FBXL13: variants seen among roughly 807,000 people sequenced by gnomAD.
The protein encoded by FBXL13 is F-box and leucine rich repeat protein 13.
A neutral mutation model predicts 83.6 loss-of-function variants in FBXL13; 67 were observed. The ratio of observed to expected loss-of-function variants is 0.80; its 90% CI spans 0.66 to 0.98. The LOEUF is 0.98. FBXL13 is among the 50% of genes least tolerant of loss of function. The pLI is 0.00. For missense variants in FBXL13, 822 were observed against 866.5 expected (o/e 0.95, Z 0.64); for synonymous variants, 272 against 299.5 (o/e 0.91, Z 0.95).
At chr7:102,946,233 A>G (rs1822473117) in intron 8 of FBXL13, among the ~76,000 whole-genome samples, 1 of 152,176 alleles carries the variant, frequency 6.6e-6, no homozygotes, top group Non-Finnish European at 1.5e-5. Flanking sequence ...AGCTTCACAT[A>G]TGCTACTTCT....
chr7:102,963,831 T>A (rs185907749), intron 7 of FBXL13, among the ~76,000 whole-genome samples, 166 bp from the exon 9 acceptor site: 58 of 152,234 alleles, frequency 3.8e-4, no homozygotes, highest in African/African-American at 1.3e-3. Context: ...AGAGAGATAT[T>A]TGCAAACTAT....
chr7:102,898,532 C>T (rs1217351139), intron 11 of FBXL13, among the ~76,000 whole-genome samples: 4 of 152,058 alleles, frequency 2.6e-5, no homozygotes, highest in African/African-American at 4.8e-5. Flanking sequence ...GGGTCTCAAT[C>T]CTCCCACCTC....
At chr7:102,859,798 GC>G (rs966825412) in intron 16 of FBXL13, among the ~76,000 whole-genome samples, 60 of 152,268 alleles carry the variant, frequency 3.9e-4, no homozygotes, top group Middle Eastern at 3.4e-3. Flanking sequence ...GAGAGGTTTT[GC>G]TTTTATTTTC....
At position 102,923,096 on chromosome 7, in the gene FBXL13, A is replaced by G. The variant is rs115899599; in HGVS notation, c.878+3178T>C. 3.7e-3 allele frequency among the ~76,000 whole-genome samples: 569 copies of G among 152,336 alleles called. 5 individuals are homozygous for G. The highest frequency in any genetic ancestry group is 0.014 in the African/African-American group (562 of 41,580). Reference sequence around the variant, plus strand: ...ACAAGGTGATATATGTCAAAGAGGTATGTCCAAAATCTGCTTGTCAATGAT... The same window carrying G: ...ACAAGGTGATATATGTCAAAGAGGTGTGTCCAAAATCTGCTTGTCAATGAT... On this transcript the variant is annotated intron_variant, in intron 10 of 19. Transcript: ENST00000313221.
chr7:102,970,164 T>C (rs1473344124), intron 6 of FBXL13, among the ~76,000 whole-genome samples: 1 of 151,410 alleles, frequency 6.6e-6, no homozygotes, highest in African/African-American at 2.4e-5. Context: ...GACGGGAGAA[T>C]TGTTTGAGCC....
intron 1 of FBXL13, among the ~76,000 whole-genome samples, chr7:103,066,130 C>T (rs1192551471): frequency 6.6e-6 from 1 of 152,192 alleles, no homozygotes; most frequent in Non-Finnish European, 1.5e-5. Context: ...TTCTCCTCCT[C>T]AATATTTCTG....
At chr7:103,038,619 A>G (rs1361465484) in intron 2 of FBXL13, among the ~76,000 whole-genome samples, 1 of 152,176 alleles carries the variant, frequency 6.6e-6, no homozygotes, top group Admixed American at 6.5e-5. Flanking sequence ...TTCCAGAGGA[A>G]GGATCAGGCA....
At chr7:102,884,927 G>A (rs992797096) in intron 11 of FBXL13, among the ~76,000 whole-genome samples, 2 of 152,100 alleles carry the variant, frequency 1.3e-5, no homozygotes, top group African/African-American at 4.8e-5. Context: ...TTCACTTAGT[G>A]TAATGTTTTT....
At chr7:103,004,249 G>T (rs1790732408) in intron 6 of FBXL13, among the ~76,000 whole-genome samples, 1 of 152,184 alleles carries the variant, frequency 6.6e-6, no homozygotes, top group Non-Finnish European at 1.5e-5. Flanking sequence ...ATGCTGGATT[G>T]CTACCTCCTT....
chr7:102,958,839 A>C lies in FBXL13; in HGVS notation c.724+4694T>G, dbSNP rs182906873. On this transcript the variant is annotated intron_variant, in intron 8 of 19. Transcript: ENST00000313221. ...CGGATGTGACCAGACAGAATGAGGA[A>C]CATGCAGGACACAGCTGCTGTAAAG... Among the ~76,000 whole-genome samples the C allele has an allele frequency of 3.4e-3, 515 of 152,156 alleles. 6 individuals are homozygous for C. Among genetic ancestry groups the C allele is most frequent in the Admixed American group, 0.015 (231 of 15,236 alleles).
intron 17 of FBXL13, among the ~76,000 whole-genome samples, 180 bp from the exon 19 acceptor site, chr7:102,833,154 A>G (rs1478286421): frequency 1.3e-5 from 2 of 152,254 alleles, no homozygotes; most frequent in Non-Finnish European, 2.9e-5. Context: ...AGCAAAAGAT[A>G]TTCACAAAGC....
intron 18 of FBXL13, 60 bp from the exon 20 acceptor site, chr7:102,822,263 G>T: frequency 6.6e-7 from 1 of 1,524,380 alleles, no homozygotes; most frequent in Non-Finnish European, 9.1e-7. Flanking sequence ...GAAGAACAGT[G>T]CCTTAGTCAC....
chr7:102,922,690 T>C (rs1817288389), intron 10 of FBXL13, among the ~76,000 whole-genome samples: 1 of 152,124 alleles, frequency 6.6e-6, no homozygotes, highest in Non-Finnish European at 1.5e-5. Flanking sequence ...TAAAGAATGA[T>C]GACTGGGCGT....
intron 19 of FBXL13, among the ~76,000 whole-genome samples, chr7:102,815,541 GAC>G (rs1797876649): frequency 6.6e-6 from 1 of 152,036 alleles, no homozygotes; most frequent in African/African-American, 2.4e-5. Context: ...CAGAGTTCTG[GAC>G]ACACACTGCA....
chr7:102,980,913 A>C (rs924022974), intron 6 of FBXL13, among the ~76,000 whole-genome samples: 1 of 37,796 alleles, frequency 2.6e-5, no homozygotes, highest in East Asian at 8.0e-4. Flanking sequence ...GAGTTCATCA[A>C]AATGAAAACC....
chr7:102,937,288 T>G (rs1419752801), intron 8 of FBXL13, among the ~76,000 whole-genome samples: 1 of 150,770 alleles, frequency 6.6e-6, no homozygotes, highest in Non-Finnish European at 1.5e-5. Context: ...ACACTTGAGG[T>G]CAGGAGTTCA....
chr7:102,895,452 C>T (rs770084337), intron 11 of FBXL13, among the ~76,000 whole-genome samples: 11 of 152,324 alleles, frequency 7.2e-5, no homozygotes, highest in East Asian at 5.8e-4. Context: ...ATCTGAAACA[C>T]GGTCCAAACT....
intron 16 of FBXL13, among the ~76,000 whole-genome samples, chr7:102,858,956 C>T (rs1370563040): frequency 6.6e-6 from 1 of 151,990 alleles, no homozygotes; most frequent in Non-Finnish European, 1.5e-5. Flanking sequence ...TACTAAAAAC[C>T]ACTGAATTGT....
At chr7:103,017,993 G>A (rs911475800) in intron 6 of FBXL13, among the ~76,000 whole-genome samples, 2 of 151,898 alleles carry the variant, frequency 1.3e-5, no homozygotes, top group African/African-American at 2.4e-5. Context: ...GATACTCCTC[G>A]AGAAGAGCAA....
Sources: gnomAD v4.1 joint callset for allele counts (sites outside exome capture counted in the v4.1 genomes callset) on GRCh38, gnomAD v4.1.1 for gene constraint, MANE v1.5 for transcripts, NCBI Gene and HGNC (gene_info 2026-07-23, HGNC 2026-07-21) for gene names.